DCLK1: variants seen among roughly 807,000 people sequenced by gnomAD.
The protein encoded by DCLK1 is serine/threonine-protein kinase DCLK1.
DCLK1 carries 16 observed loss-of-function variants against 86.2 expected under a neutral mutation model. That is an observed-to-expected ratio of 0.19 (90% CI 0.13 to 0.28). The LOEUF is 0.28. Ranked by LOEUF, DCLK1 falls within the 10% of genes least tolerant of loss-of-function variation. The pLI is 1.00. For synonymous variants in DCLK1, 369 were observed against 370.5 expected (o/e 1.00, Z 0.05); for missense variants, 590 against 940.2 (o/e 0.63, Z 4.87).
At chr13:36,069,857 G>A (rs1883900032) in intron 3 of DCLK1, among the ~76,000 whole-genome samples, 1 of 152,132 alleles carries the variant, frequency 6.6e-6, no homozygotes, top group African/African-American at 2.4e-5. Context: ...TCAGAACTTG[G>A]TGCTATACCT....
At chr13:36,060,033 G>A (rs1373655080) in intron 3 of DCLK1, among the ~76,000 whole-genome samples, 5 of 151,824 alleles carry the variant, frequency 3.3e-5, no homozygotes, top group Non-Finnish European at 5.9e-5. Flanking sequence ...CACCAAGCCC[G>A]GCTAATTTTG....
chr13:36,099,668 C>A (rs763254457), intron 3 of DCLK1, among the ~76,000 whole-genome samples: 2 of 152,186 alleles, frequency 1.3e-5, no homozygotes. Context: ...CATTAAAAGA[C>A]ATTTATGTTA....
chr13:36,076,868 T>A (rs1019091108), intron 3 of DCLK1, among the ~76,000 whole-genome samples: 1 of 152,188 alleles, frequency 6.6e-6, no homozygotes, highest in Admixed American at 6.5e-5. Context: ...AAAAGAATAA[T>A]GGGCCAAAAC....
At chr13:35,860,162 T>C (rs1235339982) in intron 5 of DCLK1, among the ~76,000 whole-genome samples, 1 of 152,140 alleles carries the variant, frequency 6.6e-6, no homozygotes, top group African/African-American at 2.4e-5. Context: ...GGTTTGGGGG[T>C]GGCGATTCAG....
At chr13:35,820,767 T>G (rs2087374980) in intron 11 of DCLK1, among the ~76,000 whole-genome samples, 1 of 152,190 alleles carries the variant, frequency 6.6e-6, no homozygotes, top group Non-Finnish European at 1.5e-5. Context: ...TGGAGGTAAC[T>G]ATGCAGAAGA....
intron 3 of DCLK1, among the ~76,000 whole-genome samples, chr13:36,051,765 A>G (rs1883131348): frequency 6.6e-6 from 1 of 152,144 alleles, no homozygotes; most frequent in South Asian, 2.1e-4. Context: ...GGTACTATTC[A>G]GCCTCACCTT....
At chr13:36,006,951 G>A (rs1880998459) in intron 3 of DCLK1, among the ~76,000 whole-genome samples, 1 of 152,206 alleles carries the variant, frequency 6.6e-6, no homozygotes, top group Non-Finnish European at 1.5e-5. Flanking sequence ...CTGAATTGCT[G>A]TTTCCTGTGC....
In DCLK1 at chr13:36,070,697, A is replaced by G. The variant is rs181591615; in HGVS notation, c.723+41172T>C. Among the ~76,000 whole-genome samples the G allele has an allele frequency of 2.1e-3, 312 of 151,690 alleles. 1 individual carries two copies. Among genetic ancestry groups the G allele is most frequent in the Non-Finnish European group, 2.6e-3 (179 of 67,940 alleles). ...CTCTTTGTTGCCCAGGCTGGAGTGC[A>G]ATGGCGCAATCTCGGCTCACTGCAA... On this transcript the variant is annotated intron_variant, in intron 3 of 16. Transcript: ENST00000360631.
intron 3 of DCLK1, among the ~76,000 whole-genome samples, chr13:35,975,177 A>G (rs1473148350): frequency 1.3e-5 from 2 of 152,230 alleles, no homozygotes; most frequent in African/African-American, 4.8e-5. Context: ...GCCTAGATCC[A>G]GGAGCAGGAG....
chr13:35,780,611 T>C (rs2153097670), intron 16 of DCLK1, among the ~76,000 whole-genome samples: 1 of 152,240 alleles, frequency 6.6e-6, no homozygotes, highest in Non-Finnish European at 1.5e-5. Flanking sequence ...TGGGGGAAGC[T>C]GGTAAAGAGA....
chr13:35,847,078 C>T (rs1036879632), intron 6 of DCLK1: 68 of 984,088 alleles, frequency 6.9e-5, no homozygotes, highest in Admixed American at 1.2e-4. Context: ...CATCCATACA[C>T]ACACAATAGA....
At chr13:35,853,403 C>T (rs1469541829) in intron 6 of DCLK1, among the ~76,000 whole-genome samples, 1 of 152,146 alleles carries the variant, frequency 6.6e-6, no homozygotes, top group Non-Finnish European at 1.5e-5. Flanking sequence ...CCACCTGATG[C>T]CAGGTGAATC....
chr13:35,996,527 T>C (rs1880485090), intron 3 of DCLK1, among the ~76,000 whole-genome samples: 1 of 152,226 alleles, frequency 6.6e-6, no homozygotes, highest in Non-Finnish European at 1.5e-5. Context: ...GGGCCTCATC[T>C]ATTGGTTGAC....
chr13:36,104,773 G>A (rs1056408078), intron 3 of DCLK1, among the ~76,000 whole-genome samples: 4 of 151,954 alleles, frequency 2.6e-5, no homozygotes, highest in African/African-American at 9.7e-5. Flanking sequence ...TAAAATATCT[G>A]CATCGCATTC....
At chr13:35,839,517 C>T (rs765151185) in intron 6 of DCLK1, among the ~76,000 whole-genome samples, 5 of 152,268 alleles carry the variant, frequency 3.3e-5, no homozygotes, top group Non-Finnish European at 4.4e-5. Flanking sequence ...CACAGACTAT[C>T]GGCAAATGGC....
At chr13:36,074,166 T>C (rs1884080323) in intron 3 of DCLK1, among the ~76,000 whole-genome samples, 1 of 152,142 alleles carries the variant, frequency 6.6e-6, no homozygotes, top group Non-Finnish European at 1.5e-5. Flanking sequence ...TCTTTCATTA[T>C]TGCTCACTGC....
chr13:36,122,033 T>C (rs1416211537), intron 2 of DCLK1, among the ~76,000 whole-genome samples: 1 of 152,126 alleles, frequency 6.6e-6, no homozygotes, highest in Non-Finnish European at 1.5e-5. Context: ...AGAGCAAATT[T>C]TATATCTATT....
chr13:35,974,185 T>C (rs1043373934), intron 3 of DCLK1, among the ~76,000 whole-genome samples: 2 of 152,218 alleles, frequency 1.3e-5, no homozygotes, highest in African/African-American at 4.8e-5. Flanking sequence ...ACAGGCCTAA[T>C]TGAGCCCCCC....
At chr13:35,931,975 C>T (rs1174919060) in intron 4 of DCLK1, among the ~76,000 whole-genome samples, 2 of 152,168 alleles carry the variant, frequency 1.3e-5, no homozygotes, top group Non-Finnish European at 2.9e-5. Context: ...GGGTATGTAA[C>T]TGTGATGGTT....
Sources: gnomAD v4.1 joint callset for allele counts (sites outside exome capture counted in the v4.1 genomes callset) on GRCh38, gnomAD v4.1.1 for gene constraint, MANE v1.5 for transcripts, NCBI Gene and HGNC (gene_info 2026-07-23, HGNC 2026-07-21) for gene names.